TMEM74: variants seen among roughly 807,000 people sequenced by gnomAD.
The protein encoded by TMEM74 is transmembrane protein 74.
Under a neutral mutation model 18.1 loss-of-function variants are expected in TMEM74, and 13 were observed. The ratio of observed to expected loss-of-function variants is 0.72; its 90% CI spans 0.47 to 1.14. The LOEUF (loss-of-function observed/expected upper bound fraction) is 1.14, where lower values mean the gene tolerates loss of function less well. Among genes scored for constraint, TMEM74 ranks in the 50% most tolerant of loss-of-function variants. The pLI is 0.00. For synonymous variants in TMEM74, 159 were observed against 146.6 expected (o/e 1.08, Z -0.61); for missense variants, 372 against 375.9 (o/e 0.99, Z 0.09).
intron 1 of TMEM74, among the ~76,000 whole-genome samples, chr8:108,704,758 G>A (rs1370863707): frequency 6.6e-6 from 1 of 152,198 alleles, no homozygotes; most frequent in Non-Finnish European, 1.5e-5. Flanking sequence ...CATAGATGGA[G>A]GCATCAAACT....
chr8:108,642,317 T>C (rs556817857), intron 2 of TMEM74, among the ~76,000 whole-genome samples: 11 of 149,534 alleles, frequency 7.4e-5, no homozygotes, highest in African/African-American at 2.7e-4. Context: ...GAGAATTGCT[T>C]GAAGTTGGGA....
intron 1 of TMEM74, among the ~76,000 whole-genome samples, chr8:108,703,575 G>A (rs1394098202): frequency 6.6e-6 from 1 of 152,180 alleles, no homozygotes; most frequent in Admixed American, 6.5e-5. Flanking sequence ...GTCATAGAAG[G>A]AGGGATGAAC....
chr8:108,668,419 G>T (rs1025506789), intron 1 of TMEM74, among the ~76,000 whole-genome samples: 1 of 152,026 alleles, frequency 6.6e-6, no homozygotes, highest in Non-Finnish European at 1.5e-5. Flanking sequence ...ATGTTATTAG[G>T]GAAGTTATAC....
chr8:108,781,184 T>C lies in TMEM74; in HGVS notation c.*2997A>G, dbSNP rs932642556. Among the ~76,000 whole-genome samples, 3 of 152,186 alleles carry C rather than the reference T, an allele frequency of 2.0e-5. No individual in the cohort carries two copies. Among genetic ancestry groups the C allele is most frequent in the African/African-American group, 7.2e-5 (3 of 41,446 alleles). ...CTAAAGACCTAGAACCACTGAAATATGTTTTTCTTCTCTAGGACTAGCAAT... is the reference window on the plus strand; with the variant it reads ...CTAAAGACCTAGAACCACTGAAATACGTTTTTCTTCTCTAGGACTAGCAAT... On this transcript the variant is annotated 3_prime_UTR_variant, in exon 2 of 2. Coordinates refer to ENST00000297459, the MANE Select transcript of TMEM74 (RefSeq NM_153015.3).
Position 108,784,418 on chromosome 8 carries a change from G to A in TMEM74, c.681C>T (p.His227=), listed in dbSNP as rs1303512051. The A allele has an allele frequency of 6.2e-7, 1 of 1,614,140 alleles. No homozygotes were observed. Among genetic ancestry groups the A allele is most frequent in the Non-Finnish European group, 8.5e-7 (1 of 1,180,038 alleles). The change falls in exon 2 of 2, where the codon CAC becomes CAT. Residue 227 remains histidine, a synonymous_variant. Transcript: ENST00000297459. ...LEKESARLGA[H]LDRCVIAGLC... is the part of the protein sequence containing the mutation. Reference sequence around the variant, plus strand: ...GCCCCGCAATCACACAGCGGTCCAGGTGAGCCCCCAGCCTCGCACTCTCCT... The same window carrying A: ...GCCCCGCAATCACACAGCGGTCCAGATGAGCCCCCAGCCTCGCACTCTCCT...
intron 1 of TMEM74, among the ~76,000 whole-genome samples, chr8:108,659,386 G>T (rs1012743549): frequency 2.6e-5 from 4 of 152,004 alleles, no homozygotes; most frequent in Admixed American, 6.6e-5. Flanking sequence ...TGTTTCCTAT[G>T]AAATGATCCT....
intron 1 of TMEM74, among the ~76,000 whole-genome samples, chr8:108,656,858 A>G (rs771438732): frequency 3.5e-4 from 54 of 152,208 alleles, no homozygotes; most frequent in Non-Finnish European, 6.2e-4. Flanking sequence ...GTCCAATATC[A>G]TATGATTCTC....
intron 1 of TMEM74, among the ~76,000 whole-genome samples, chr8:108,771,690 C>T (rs901683396): frequency 6.6e-6 from 1 of 152,142 alleles, no homozygotes; most frequent in Admixed American, 6.6e-5. Context: ...AGTTTATGGG[C>T]CTACACCATG....
chr8:108,726,748 T>C (rs1349944717), intron 1 of TMEM74, among the ~76,000 whole-genome samples: 1 of 151,792 alleles, frequency 6.6e-6, no homozygotes, highest in African/African-American at 2.4e-5. Flanking sequence ...AGTGCCAAAA[T>C]AGACAAACGA....
At position 108,784,680 on chromosome 8, in the gene TMEM74, C is replaced by A; in HGVS notation, c.419G>T (p.Gly140Val). The A allele has an allele frequency of 4.3e-6, 7 of 1,614,188 alleles. No homozygotes were observed. The highest frequency in any genetic ancestry group is 5.9e-6 in the Non-Finnish European group (7 of 1,180,026). Residue 140 changes from glycine to valine, a missense_variant, in exon 2 of 2, where the codon GGC becomes GTC. Transcript: ENST00000297459. Reference sequence around the variant, plus strand: ...GGACCACTCATTTGGATTTTCCCAGCCAAGCTCCCCAGGGTGATTATGCCC... The same window carrying A: ...GGACCACTCATTTGGATTTTCCCAGACAAGCTCCCCAGGGTGATTATGCCC... Reference protein sequence around the residue: ...AKGHNHPGELGWENPNEWSQE... With the variant: ...AKGHNHPGELVWENPNEWSQE...
At chr8:108,622,114 G>C (rs1407990485) in intron 2 of TMEM74, among the ~76,000 whole-genome samples, 6 of 152,058 alleles carry the variant, frequency 3.9e-5, no homozygotes, top group Non-Finnish European at 8.8e-5. Context: ...AGAGGTGAAA[G>C]TTTATAAAAG....
intron 1 of TMEM74, among the ~76,000 whole-genome samples, chr8:108,733,078 T>C (rs1391320221): frequency 6.6e-6 from 1 of 152,114 alleles, no homozygotes; most frequent in Non-Finnish European, 1.5e-5. Flanking sequence ...TACAACCACT[T>C]TGGAAAATAG....
chr8:108,784,427 C>A lies in TMEM74; in HGVS notation c.672G>T (p.Leu224=). Residue 224 remains leucine, a synonymous_variant, in exon 2 of 2, where the codon CTG becomes CTT. Transcript: ENST00000297459. ...TCACACAGCGGTCCAGGTGAGCCCC[C>A]AGCCTCGCACTCTCCTTCTCCAGGC... is the stretch of plus-strand genomic sequence containing the variant. ...MERLEKESAR[L]GAHLDRCVIA... 1 of 1,614,184 alleles carries A rather than the reference C, an allele frequency of 6.2e-7. No individual in the cohort carries two copies. Among genetic ancestry groups the A allele is most frequent in the South Asian group, 1.1e-5 (1 of 91,082 alleles).
At chr8:108,662,287 T>C (rs1337529493) in intron 1 of TMEM74, among the ~76,000 whole-genome samples, 1 of 151,570 alleles carries the variant, frequency 6.6e-6, no homozygotes, top group East Asian at 1.9e-4. Context: ...AGACACATGA[T>C]AGAGAGGTAG....
intron 1 of TMEM74, among the ~76,000 whole-genome samples, chr8:108,706,188 G>T (rs1813394634): frequency 6.6e-6 from 1 of 152,152 alleles, no homozygotes; most frequent in African/African-American, 2.4e-5. Context: ...TTTTCTAGAA[G>T]AATTAGCTCA....
chr8:108,746,874 G>A (rs1378969693), intron 1 of TMEM74, among the ~76,000 whole-genome samples: 1 of 152,138 alleles, frequency 6.6e-6, no homozygotes. Context: ...GGCAAGTCTG[G>A]AGAGGGCATA....
intron 1 of TMEM74, among the ~76,000 whole-genome samples, chr8:108,773,504 C>T (rs1359527286): frequency 1.3e-5 from 2 of 152,128 alleles, no homozygotes; most frequent in African/African-American, 2.4e-5. Context: ...ACGCTCCTCC[C>T]CTAAAACGGT....
chr8:108,657,874 AT>A (rs1812856896), intron 1 of TMEM74, among the ~76,000 whole-genome samples: 1 of 68,670 alleles, frequency 1.5e-5, no homozygotes, highest in African/African-American at 6.6e-5. Flanking sequence ...ATATATATAT[AT>A]ATATATATAT....
chr8:108,723,602 G>A (rs770890150), intron 1 of TMEM74, among the ~76,000 whole-genome samples: 2 of 152,070 alleles, frequency 1.3e-5, no homozygotes, highest in East Asian at 1.9e-4. Context: ...TGGCTTTCAC[G>A]GAAACAAGTC....
Sources: allele counts gnomAD v4.1 joint callset (sites outside exome capture counted in the v4.1 genomes callset), GRCh38; gene constraint gnomAD v4.1.1; transcripts MANE v1.5; gene names NCBI Gene and HGNC (gene_info 2026-07-23, HGNC 2026-07-21).